The following RAP1A variants were observed in gnomAD, a reference collection of about 807,000 sequenced individuals.
The protein encoded by RAP1A is RAP1A, member of RAS oncogene family, also known as ras-related protein Rap-1A.
RAP1A carries 6 observed loss-of-function variants against 26.4 expected under a neutral mutation model. The ratio of observed to expected loss-of-function variants is 0.23; its 90% CI spans 0.12 to 0.45. RAP1A has a LOEUF of 0.45. Ranked by LOEUF, RAP1A falls within the 20% of genes least tolerant of loss-of-function variation. RAP1A has a pLI of 0.99. For synonymous variants in RAP1A, 73 were observed against 79.4 expected (o/e 0.92, Z 0.43); for missense variants, 121 against 217.2 (o/e 0.56, Z 2.78).
intron 1 of RAP1A, among the ~76,000 whole-genome samples, chr1:111,554,109 G>C (rs1461672171): frequency 6.6e-6 from 1 of 152,160 alleles, no homozygotes; most frequent in Non-Finnish European, 1.5e-5. Context: ...GTGGCCTTGG[G>C]CTTATTACTT....
upstream of RAP1A, among the ~76,000 whole-genome samples, chr1:111,617,991 G>A (rs528034023): frequency 7.9e-5 from 12 of 151,486 alleles, no homozygotes; most frequent in South Asian, 1.0e-3. Context: ...TGCAGTGAGC[G>A]GAGATCACAC....
chr1:111,629,400 T>C (rs1016402636), intron 1 of RAP1A, among the ~76,000 whole-genome samples: 5 of 152,152 alleles, frequency 3.3e-5, no homozygotes, highest in Non-Finnish European at 7.4e-5. Context: ...GAGATTGATA[T>C]TAATAGTATT....
chr1:111,624,851 T>A (rs1355075202), intron 1 of RAP1A, among the ~76,000 whole-genome samples: 3 of 152,254 alleles, frequency 2.0e-5, no homozygotes, highest in South Asian at 4.1e-4. Context: ...CTCCAATCAG[T>A]AGACAAGTTA....
At chr1:111,606,369 C>T (rs569114910) in intron 1 of RAP1A, among the ~76,000 whole-genome samples, 68 of 152,166 alleles carry the variant, frequency 4.5e-4, no homozygotes, top group African/African-American at 1.6e-3. Context: ...TCTCAGAGCA[C>T]GAAGAACCTT....
chr1:111,655,418 A>G (rs946515173), intron 1 of RAP1A, among the ~76,000 whole-genome samples: 1 of 152,094 alleles, frequency 6.6e-6, no homozygotes, highest in Non-Finnish European at 1.5e-5. Flanking sequence ...AAGATAAATG[A>G]AAAAGAATAC....
chr1:111,561,186 C>T (rs934809666), intron 1 of RAP1A, among the ~76,000 whole-genome samples: 2 of 152,224 alleles, frequency 1.3e-5, no homozygotes, highest in Non-Finnish European at 1.5e-5. Flanking sequence ...TGCAGTGGCA[C>T]GATTGTGGCT....
intron 1 of RAP1A, among the ~76,000 whole-genome samples, chr1:111,628,845 A>G (rs991464219): frequency 1.3e-5 from 2 of 152,130 alleles, no homozygotes; most frequent in African/African-American, 4.8e-5. Context: ...GGTTGTTACT[A>G]TTGTTTTTTT....
intron 1 of RAP1A, among the ~76,000 whole-genome samples, chr1:111,551,527 G>C (rs924280851): frequency 6.6e-6 from 1 of 152,064 alleles, no homozygotes; most frequent in African/African-American, 2.4e-5. Flanking sequence ...ATATAGTTCA[G>C]TTTCTTGCTT....
intron 4 of RAP1A, 75 bp downstream of exon 4, chr1:111,697,572 C>T: frequency 6.3e-7 from 1 of 1,579,990 alleles, no homozygotes; most frequent in Non-Finnish European, 8.6e-7. Flanking sequence ...GTTTTGTCAT[C>T]CAGATAATTC....
At chr1:111,678,189 A>G (rs1292788525) in intron 1 of RAP1A, among the ~76,000 whole-genome samples, 5 of 152,214 alleles carry the variant, frequency 3.3e-5, no homozygotes, top group Non-Finnish European at 5.9e-5. Flanking sequence ...TTGAGTTTGC[A>G]TTGAATCTGC....
At chr1:111,707,814 G>A (rs555196806) in intron 6 of RAP1A, among the ~76,000 whole-genome samples, 1 of 152,280 alleles carries the variant, frequency 6.6e-6, no homozygotes, top group East Asian at 1.9e-4. Context: ...GAGATAAGTA[G>A]CATTGTATTT....
At chr1:111,560,516 G>C (rs1289737806) in intron 1 of RAP1A, among the ~76,000 whole-genome samples, 1 of 138,496 alleles carries the variant, frequency 7.2e-6, no homozygotes, top group African/African-American at 3.0e-5. Flanking sequence ...ATTAGAGACA[G>C]GGTCTTCTGT....
intron 1 of RAP1A, among the ~76,000 whole-genome samples, chr1:111,577,573 C>T (rs1017553563): frequency 6.6e-5 from 10 of 151,920 alleles, no homozygotes; most frequent in African/African-American, 2.4e-4. Flanking sequence ...TTTTTTAGGG[C>T]TTCATTCAGA....
intron 1 of RAP1A, among the ~76,000 whole-genome samples, chr1:111,672,409 G>T (rs1230904196): frequency 2.6e-5 from 4 of 152,116 alleles, no homozygotes; most frequent in Non-Finnish European, 5.9e-5. Flanking sequence ...ATAATGTCTT[G>T]GGTATAAAAT....
chr1:111,620,584 T>C (rs1659165934), intron 1 of RAP1A, among the ~76,000 whole-genome samples: 1 of 151,978 alleles, frequency 6.6e-6, no homozygotes, highest in Non-Finnish European at 1.5e-5. Context: ...CTTCCTTTAT[T>C]CCCCCAGTTA....
At chr1:111,642,110 T>C (rs2101120330) in intron 1 of RAP1A, among the ~76,000 whole-genome samples, 1 of 152,222 alleles carries the variant, frequency 6.6e-6, no homozygotes, top group Middle Eastern at 3.4e-3. Flanking sequence ...CCGGGTGTGG[T>C]GGTGCATGCC....
At chr1:111,704,303 AG>A (rs770811161) in intron 5 of RAP1A, 39 bp from the exon 6 acceptor site, 20 of 1,595,620 alleles carry the variant, frequency 1.3e-5, no homozygotes, top group Non-Finnish European at 1.7e-5. Flanking sequence ...CTAAGTAATG[AG>A]TATGTTATTG....
chr1:111,703,570 C>G (rs1272478928), intron 5 of RAP1A, 94 bp downstream of exon 5: 2 of 1,196,278 alleles, frequency 1.7e-6, no homozygotes, highest in East Asian at 2.6e-5. Context: ...GATTTGGAAG[C>G]TATCTACCAC....
At chr1:111,609,292 G>C (rs1354863857) in intron 1 of RAP1A, among the ~76,000 whole-genome samples, 1 of 152,158 alleles carries the variant, frequency 6.6e-6, no homozygotes, top group Non-Finnish European at 1.5e-5. Flanking sequence ...CAGGTTCAAA[G>C]CCCAAGTGAG....
Sources: gnomAD v4.1 joint callset for allele counts (sites outside exome capture counted in the v4.1 genomes callset) on GRCh38, gnomAD v4.1.1 for gene constraint, MANE v1.5 for transcripts, NCBI Gene and HGNC (gene_info 2026-07-23, HGNC 2026-07-21) for gene names.